The following DSG3 variants were observed in gnomAD, a reference collection of about 807,000 sequenced individuals.
The protein encoded by DSG3 is desmoglein-3.
Under a neutral mutation model 85.9 loss-of-function variants are expected in DSG3, and 63 were observed. The ratio of observed to expected loss-of-function variants is 0.73; its 90% CI spans 0.60 to 0.90. The LOEUF (loss-of-function observed/expected upper bound fraction) is 0.90, where lower values mean the gene tolerates loss of function less well. Ranked by LOEUF, DSG3 falls within the 40% of genes least tolerant of loss-of-function variation. DSG3 has a pLI of 0.00. For missense variants in DSG3, 1,220 were observed against 1,219.9 expected (o/e 1.00, Z 0.00); for synonymous variants, 447 against 441.9 (o/e 1.01, Z -0.14).
At chr18:31,471,138 G>C (rs1195608401) in intron 12 of DSG3, among the ~76,000 whole-genome samples, 1 of 152,176 alleles carries the variant, frequency 6.6e-6, no homozygotes, top group Non-Finnish European at 1.5e-5. Flanking sequence ...CAGATTTCGA[G>C]CTGTGACATG....
At chr18:31,457,246 G>A (rs72925121) in intron 3 of DSG3, 122 bp downstream of exon 3, 11,518 of 805,390 alleles carry the variant, frequency 0.014, 143 homozygotes, top group Middle Eastern at 0.037. Flanking sequence ...CAAGTGAACT[G>A]GTATCCTCAA....
In DSG3 at chr18:31,460,889, A is replaced by T. The variant is rs185193655; in HGVS notation, c.741A>T (p.Leu247=). The change falls in exon 7 of 16, where the codon CTA becomes CTT. Residue 247 remains leucine (L), a synonymous_variant. Coordinates refer to ENST00000257189, the MANE Select transcript of DSG3 (RefSeq NM_001944.3). Reference sequence around the variant, plus strand: ...GTGCAGACAAAGATGGAGAAGGACTATCAACTCAATGTGAATGTAATATTA... The same window carrying T: ...GTGCAGACAAAGATGGAGAAGGACTTTCAACTCAATGTGAATGTAATATTA... ...VSGADKDGEG[L]STQCECNIKV... 6.2e-7 allele frequency: 1 copy of T among 1,604,514 alleles called. No homozygotes were observed. The highest frequency in any genetic ancestry group is 1.7e-5 in the Admixed American group (1 of 57,580).
At chr18:31,457,624 CTTTCTTTCTTTCTTTCTTTT>C (rs2072756774) in intron 3 of DSG3, among the ~76,000 whole-genome samples, 5 of 102,094 alleles carry the variant, frequency 4.9e-5, no homozygotes, top group Non-Finnish European at 9.9e-5. Flanking sequence ...TTCTTTCTTT[CTTTCTTTCTTTCTTTCTTTT>C]TCTGAGATGG....
chr18:31,463,894 G>A (rs1568088741), intron 8 of DSG3, among the ~76,000 whole-genome samples: 1 of 152,122 alleles, frequency 6.6e-6, no homozygotes, highest in Non-Finnish European at 1.5e-5. Context: ...TTTCTAGTCT[G>A]AAAGAGGTAC....
Position 31,464,361 on chromosome 18 carries a change from AC to A in DSG3, c.1251del (p.Asn417LysfsTer19). ...GTYQAIDEDT[N>X]KAASNVKYVM... The stretch of plus-strand genomic sequence containing the variant: ...TATCAAGCCATCGATGAGGACACTA[AC>A]AAAGCTGCCTCAAATGTCAAGTAAG... On this transcript the variant is annotated frameshift_variant, in exon 9 of 16. Transcript: ENST00000257189. LOFTEE classifies it high-confidence loss of function. 1 of 1,609,616 alleles carries A rather than the reference AC, an allele frequency of 6.2e-7. No individual in the cohort carries two copies. Among genetic ancestry groups the A allele is most frequent in the East Asian group, 2.2e-5 (1 of 44,822 alleles).
intron 1 of DSG3, among the ~76,000 whole-genome samples, chr18:31,455,081 T>C (rs2072734166): frequency 6.6e-6 from 1 of 151,940 alleles, no homozygotes; most frequent in Admixed American, 6.6e-5. Flanking sequence ...GTTAGGCTAC[T>C]GCGGTCGCTA....
intron 7 of DSG3, 123 bp from the exon 8 acceptor site, chr18:31,461,103 GA>G (rs2072782404): frequency 8.1e-7 from 1 of 1,239,754 alleles, no homozygotes; most frequent in Non-Finnish European, 1.1e-6. Context: ...AAAAATATAA[GA>G]ATTCAGTAAT....
At chr18:31,456,104 T>C (rs185550269) in intron 1 of DSG3, among the ~76,000 whole-genome samples, 10 of 152,330 alleles carry the variant, frequency 6.6e-5, no homozygotes, top group African/African-American at 2.4e-4. Flanking sequence ...TTTCATAGCT[T>C]CCAGGAACGG....
intron 3 of DSG3, among the ~76,000 whole-genome samples, chr18:31,457,549 C>CTT (rs1568086362): frequency 1.8e-5 from 2 of 108,774 alleles, no homozygotes; most frequent in African/African-American, 8.2e-5. Flanking sequence ...CTTTCTTTCT[C>CTT]TTTCTTTCTT....
At position 31,476,349 on chromosome 18, in the gene DSG3, C is replaced by A; in HGVS notation, c.*89C>A. 1 of 1,471,220 alleles carries A rather than the reference C, an allele frequency of 6.8e-7. No homozygotes were observed. The highest frequency in any genetic ancestry group is 9.1e-7 in the Non-Finnish European group (1 of 1,098,054). The allele number at this position is 1,471,220 out of a possible 1,614,324, so 91.1% of individuals were successfully genotyped here. A position where few individuals can be genotyped will look rare whatever the true frequency, so the allele number is the denominator to read the frequency against. On this transcript the variant is annotated 3_prime_UTR_variant, in exon 16 of 16. Coordinates refer to ENST00000257189, the MANE Select transcript of DSG3 (RefSeq NM_001944.3). ...GCATAGCAAAGCTCACTGTATTGGG[C>A]TAATAATTTGGCACTTATTAGCTTC...
intron 12 of DSG3, 152 bp downstream of exon 12, chr18:31,469,501 T>C (rs1163042084): frequency 1.3e-5 from 15 of 1,120,148 alleles, no homozygotes; most frequent in Non-Finnish European, 1.9e-5. Flanking sequence ...AGAAAGAATC[T>C]GAAATGTGTA....
chr18:31,475,268 CTAG>C (rs2072879293), intron 15 of DSG3, among the ~76,000 whole-genome samples: 1 of 152,016 alleles, frequency 6.6e-6, no homozygotes, highest in Admixed American at 6.6e-5. Flanking sequence ...AAGGTCTGAC[CTAG>C]TATCCAAGCA....
Position 31,476,607 on chromosome 18 carries a change from A to AAGCAGG in DSG3, c.*351_*356dup, listed in dbSNP as rs1449388960. 5.2e-6 allele frequency: 1 copy of AAGCAGG among 190,482 alleles called. No individual in the cohort carries two copies. The highest frequency in any genetic ancestry group is 2.4e-5 in the African/African-American group (1 of 42,512). 11.8% of individuals were successfully genotyped at this position (190,482 alleles called of 1,614,324 possible). A position where few individuals can be genotyped will look rare whatever the true frequency, so the allele number is the denominator to read the frequency against. ...AAAATGCAATGTGATTTAGTGGATT[A>AAGCAGG]AGCAGGAGCGCTGGTTCTTGTCTCC... On this transcript the variant is annotated 3_prime_UTR_variant, in exon 16 of 16. Transcript: ENST00000257189.
chr18:31,463,994 C>G (rs2072801137), intron 8 of DSG3, 117 bp from the exon 9 acceptor site: 4 of 969,122 alleles, frequency 4.1e-6, no homozygotes, highest in Non-Finnish European at 6.1e-6. Flanking sequence ...AGCTGTTTTG[C>G]TATTTAAAAA....
Position 31,472,793 on chromosome 18 carries a change from G to A in DSG3, c.2101+5G>A, listed in dbSNP as rs2072864101. The stretch of plus-strand genomic sequence containing the variant: ...CCGATTTCATGGAAAGTTCTGGTAA[G>A]TGGACATAAAATGTTTGAAAGCAAT... On this transcript the variant is annotated splice_donor_5th_base_variant and intron_variant, in intron 14 of 15. Coordinates refer to ENST00000257189, the MANE Select transcript of DSG3 (RefSeq NM_001944.3). 6.2e-7 allele frequency: 1 copy of A among 1,613,722 alleles called. No individual in the cohort carries two copies. Among genetic ancestry groups the A allele is most frequent in the Non-Finnish European group, 8.5e-7 (1 of 1,179,648 alleles).
chr18:31,473,074 A>G (rs922688426), intron 14 of DSG3, among the ~76,000 whole-genome samples: 1 of 151,878 alleles, frequency 6.6e-6, no homozygotes, highest in Non-Finnish European at 1.5e-5. Context: ...CAGGCAATCA[A>G]TTACTAATTT....
chr18:31,464,714 A>G (rs2072806647), intron 9 of DSG3, among the ~76,000 whole-genome samples: 1 of 152,180 alleles, frequency 6.6e-6, no homozygotes, highest in South Asian at 2.1e-4. Context: ...TGTTTTTATC[A>G]TATAAAACAG....
In DSG3 at chr18:31,474,492, T is replaced by C. The variant is rs938526771; in HGVS notation, c.2385+88T>C. On this transcript the variant is annotated intron_variant, in intron 15 of 15. Coordinates refer to ENST00000257189, the MANE Select transcript of DSG3 (RefSeq NM_001944.3). Reference sequence around the variant, plus strand: ...ATTATATACTTCAGTTTTGCAGTTTTTATTTACAGCTTGTTAAAATGCAAG... The same window carrying C: ...ATTATATACTTCAGTTTTGCAGTTTCTATTTACAGCTTGTTAAAATGCAAG... 4 of 1,434,374 alleles carry C rather than the reference T, an allele frequency of 2.8e-6. No individual in the cohort carries two copies. In the Admixed American group the frequency reaches 6.9e-5, roughly 25 times the overall value. 88.9% of individuals were successfully genotyped at this position (1,434,374 alleles called of 1,614,324 possible).
At chr18:31,460,204 C>T (rs1169620390) in intron 6 of DSG3, among the ~76,000 whole-genome samples, 193 bp downstream of exon 6, 1 of 152,118 alleles carries the variant, frequency 6.6e-6, no homozygotes, top group East Asian at 1.9e-4. Flanking sequence ...CGGGCACCTG[C>T]AGAATCAGTT....
Sources: gnomAD v4.1 joint callset for allele counts (sites outside exome capture counted in the v4.1 genomes callset) on GRCh38, gnomAD v4.1.1 for gene constraint, MANE v1.5 for transcripts, NCBI Gene and HGNC (gene_info 2026-07-23, HGNC 2026-07-21) for gene names.